Variants in DHRSX observed in about 807,000 individuals in gnomAD.
DHRSX encodes the protein polyprenol dehydrogenase.
DHRSX carries 31 observed loss-of-function variants against 34.0 expected under a neutral mutation model. That is an observed-to-expected ratio of 0.91 (90% CI 0.69 to 1.23). The LOEUF (loss-of-function observed/expected upper bound fraction) is 1.23, where lower values mean the gene tolerates loss of function less well. DHRSX is among the 50% of genes most tolerant of loss of function. The pLI is 0.00. For missense variants in DHRSX, 414 were observed against 428.1 expected (o/e 0.97, Z 0.29); for synonymous variants, 201 against 183.8 (o/e 1.09, Z -0.76).
intron 3 of DHRSX, among the ~76,000 whole-genome samples, chrX:2,384,416 T>C (rs148530165): frequency 1.3e-5 from 2 of 152,012 alleles, no homozygotes; most frequent in East Asian, 3.9e-4. Context: ...AGGAAAGGTG[T>C]GTAGTGTGAG....
chrX:2,434,216 G>T (rs2043964991), intron 1 of DHRSX, among the ~76,000 whole-genome samples: 1 of 152,180 alleles, frequency 6.6e-6, no homozygotes. Flanking sequence ...AATGAATAAA[G>T]CAATTGTGAG....
chrX:2,441,261 G>T (rs1449509018), intron 1 of DHRSX, among the ~76,000 whole-genome samples: 1 of 152,156 alleles, frequency 6.6e-6, no homozygotes, highest in African/African-American at 2.4e-5. Flanking sequence ...CAAAGGCTAA[G>T]GACTATTTGA....
At chrX:2,374,611 T>C (rs183583813) in intron 3 of DHRSX, among the ~76,000 whole-genome samples, 5,677 of 136,408 alleles carry the variant, frequency 0.042, 658 homozygotes, top group African/African-American at 0.11. Context: ...TAGTGGTACA[T>C]GCCTGTAATC....
intron 3 of DHRSX, among the ~76,000 whole-genome samples, chrX:2,300,246 C>G (rs972016145): frequency 6.6e-6 from 1 of 152,092 alleles, no homozygotes; most frequent in Non-Finnish European, 1.5e-5. Flanking sequence ...GAGCCGTGCC[C>G]TCCCTCACTC....
intron 1 of DHRSX, among the ~76,000 whole-genome samples, chrX:2,471,000 T>C (rs147059155): frequency 0.028 from 4,189 of 152,316 alleles, 75 homozygotes; most frequent in Admixed American, 0.052. Context: ...ATTGTTAATA[T>C]GGTAACTAGC....
intron 5 of DHRSX, among the ~76,000 whole-genome samples, chrX:2,253,637 G>C (rs2016494452): frequency 6.6e-6 from 1 of 152,238 alleles, no homozygotes; most frequent in Non-Finnish European, 1.5e-5. Flanking sequence ...TGTTGAATAA[G>C]AAACTGAACA....
chrX:2,372,528 C>G (rs889826938), intron 3 of DHRSX, among the ~76,000 whole-genome samples: 17 of 152,058 alleles, frequency 1.1e-4, no homozygotes, highest in Non-Finnish European at 2.1e-4. Flanking sequence ...GCAGCGAAGC[C>G]CCAGAGACCC....
rs2044263481 is a variant in DHRSX at position 2,454,042 on chromosome X, TTTG to T, written c.110-28741_110-28739del. Among the ~76,000 whole-genome samples the T allele has an allele frequency of 2.6e-5, 4 of 152,330 alleles. No homozygotes were observed. In the South Asian group the frequency reaches 8.3e-4, roughly 32 times the overall value. On this transcript the variant is annotated intron_variant, in intron 1 of 6. Transcript: ENST00000334651. The stretch of plus-strand genomic sequence containing the variant: ...ACCATATATATGTATACAATTATTT[TTTG>T]TTAACGAAAAATAAATTTTCTATAA...
In DHRSX at chrX:2,220,847, G is replaced by T. The variant is rs1223091633; in HGVS notation, c.*194C>A. The T allele has an allele frequency of 3.6e-6, 2 of 548,656 alleles. No individual in the cohort carries two copies. Among genetic ancestry groups the T allele is most frequent in the Non-Finnish European group, 6.5e-6 (2 of 308,174 alleles). 34.0% of individuals were successfully genotyped at this position (548,656 alleles called of 1,614,324 possible). A position where few individuals can be genotyped will look rare whatever the true frequency, so the allele number is the denominator to read the frequency against. On this transcript the variant is annotated 3_prime_UTR_variant, in exon 7 of 7. Coordinates refer to ENST00000334651, the MANE Select transcript of DHRSX (RefSeq NM_145177.3). The stretch of plus-strand genomic sequence containing the variant: ...AGTTTATGGTTGAAGACCACTTGGG[G>T]TGATTATCCTCCAAAATGTTTATTT...
intron 3 of DHRSX, among the ~76,000 whole-genome samples, chrX:2,351,087 G>C (rs753693120): frequency 6.6e-6 from 1 of 152,192 alleles, no homozygotes; most frequent in Admixed American, 6.5e-5. Context: ...TCAGGGAGCT[G>C]GGGGCAAGGG....
chrX:2,362,742 CGTTCT>C, intron 3 of DHRSX, among the ~76,000 whole-genome samples: 1 of 151,868 alleles, frequency 6.6e-6, no homozygotes, highest in East Asian at 1.9e-4. Flanking sequence ...ATTTTATCAC[CGTTCT>C]ATGGTATCAT....
At chrX:2,301,339 G>A (rs1162368384) in intron 3 of DHRSX, among the ~76,000 whole-genome samples, 1 of 152,182 alleles carries the variant, frequency 6.6e-6, no homozygotes, top group Admixed American at 6.5e-5. Context: ...GCTTGAACCT[G>A]GGAGGCGGAG....
At chrX:2,236,127 A>G (rs1299330604) in intron 6 of DHRSX, among the ~76,000 whole-genome samples, 1 of 151,984 alleles carries the variant, frequency 6.6e-6, no homozygotes, top group East Asian at 1.9e-4. Flanking sequence ...AAAAAAATAA[A>G]TAAATAAAAT....
chrX:2,488,545 G>A, intron 1 of DHRSX: 2 of 1,466,890 alleles, frequency 1.4e-6, no homozygotes, highest in Non-Finnish European at 1.8e-6. Flanking sequence ...GGTCTCTGAG[G>A]TTCAAAACCA....
At chrX:2,381,013 G>A (rs2043195996) in intron 3 of DHRSX, among the ~76,000 whole-genome samples, 1 of 152,022 alleles carries the variant, frequency 6.6e-6, no homozygotes. Flanking sequence ...TTACAGGTGT[G>A]CACCACCACA....
rs189085786 is a variant in DHRSX at position 2,331,422 on chromosome X, A to G, written c.287-39819T>C. Among the ~76,000 whole-genome samples, 575 of 128,210 alleles carry G rather than the reference A, an allele frequency of 4.5e-3. 5 individuals carry two copies. Among genetic ancestry groups the G allele is most frequent in the African/African-American group, 0.014 (538 of 37,112 alleles). 84.1% of individuals were successfully genotyped at this position (128,210 alleles called of 152,430 possible). On this transcript the variant is annotated intron_variant, in intron 3 of 6. Coordinates refer to ENST00000334651, the MANE Select transcript of DHRSX (RefSeq NM_145177.3). ...GGCATTCAGAATGAGGAATCCTTTC[A>G]GGAAGGTTTTTTGGTTTTTTTTTTT...
rs1247361791 is a variant in DHRSX at position 2,451,227 on chromosome X, CA to C, written c.110-25924del. Among the ~76,000 whole-genome samples, 5 of 135,730 alleles carry C rather than the reference CA, an allele frequency of 3.7e-5. No individual in the cohort carries two copies. In the Admixed American group the frequency reaches 3.8e-4, roughly 10 times the overall value. 89.0% of individuals were successfully genotyped at this position (135,730 alleles called of 152,430 possible). A position where few individuals can be genotyped will look rare whatever the true frequency, so the allele number is the denominator to read the frequency against. On this transcript the variant is annotated intron_variant, in intron 1 of 6. Transcript: ENST00000334651. ...CAGCCTGGGCAATACAGCAAGACTC[CA>C]TCTTTAAAAAAAAAAAAAAAAAAGT...
At chrX:2,246,712 G>GA (rs2016298177) in intron 5 of DHRSX, among the ~76,000 whole-genome samples, 1 of 94,464 alleles carries the variant, frequency 1.1e-5, no homozygotes, top group African/African-American at 3.4e-5. Context: ...GAAAGAGAAA[G>GA]AAAGAAAGAA....
At chrX:2,243,457 T>A (rs1235370838) in intron 5 of DHRSX, among the ~76,000 whole-genome samples, 1 of 152,146 alleles carries the variant, frequency 6.6e-6, no homozygotes, top group East Asian at 1.9e-4. Context: ...GGGTCAGATA[T>A]GTTAAATTAT....
Sources: allele counts gnomAD v4.1 joint callset (sites outside exome capture counted in the v4.1 genomes callset), GRCh38; gene constraint gnomAD v4.1.1; transcripts MANE v1.5; gene names NCBI Gene and HGNC (gene_info 2026-07-23, HGNC 2026-07-21).